Variants in MICAL2 observed in about 807,000 individuals in gnomAD.
The protein encoded by MICAL2 is microtubule associated monooxygenase, calponin and LIM domain containing 2, also known as [F-actin]-monooxygenase MICAL2.
In MICAL2, 77 loss-of-function variants were observed where a neutral mutation model predicts 127.3. The observed-to-expected ratio is 0.60, with a 90% CI of 0.50 to 0.73. MICAL2 has a LOEUF of 0.73. Ranked by LOEUF, MICAL2 falls within the 30% of genes least tolerant of loss-of-function variation. The pLI is 0.00. For synonymous variants in MICAL2, 570 were observed against 551.1 expected, an observed-to-expected ratio of 1.03 and a Z score of -0.48; for missense variants, 1,351 against 1,434.4, an observed-to-expected ratio of 0.94 and a Z score of 0.94.
intron 30 of MICAL2, chr11:12,319,948 C>T: frequency 1.6e-6 from 1 of 614,382 alleles, no homozygotes. Context: ...ACAGAGTGCT[C>T]TCTTTACCTT....
chr11:12,267,126 A>C (rs1341606616), downstream of MICAL2, among the ~76,000 whole-genome samples: 1 of 152,152 alleles, frequency 6.6e-6, no homozygotes, highest in Admixed American at 6.5e-5. Flanking sequence ...TCGGACACCC[A>C]GGCCTCAGCT....
At chr11:12,331,906 GTATT>G (rs1938640252) in intron 32 of MICAL2, among the ~76,000 whole-genome samples, 1 of 152,138 alleles carries the variant, frequency 6.6e-6, no homozygotes, top group African/African-American at 2.4e-5. Context: ...TTCTCAAATT[GTATT>G]TATTTGTTTG....
At chr11:12,130,071 T>C (rs1851291358) in intron 1 of MICAL2, among the ~76,000 whole-genome samples, 1 of 152,178 alleles carries the variant, frequency 6.6e-6, no homozygotes, top group East Asian at 1.9e-4. Flanking sequence ...ACTAAGCACA[T>C]GGTGATGGCT....
downstream of MICAL2, among the ~76,000 whole-genome samples, chr11:12,266,156 A>G (rs1290960375): frequency 6.6e-6 from 1 of 152,180 alleles, no homozygotes; most frequent in Admixed American, 6.5e-5. Context: ...TGAATTAGTA[A>G]AGAAAAAAGT....
At chr11:12,256,700 G>C in intron 23 of MICAL2, 85 bp from the exon 24 acceptor site, 12 of 1,293,818 alleles carry the variant, frequency 9.3e-6, no homozygotes, top group Non-Finnish European at 1.3e-5. Context: ...CCAGCATTCA[G>C]TGTGGAATTT....
intron 1 of MICAL2, among the ~76,000 whole-genome samples, chr11:12,131,981 T>TTTATA (rs1851455434): frequency 6.6e-6 from 1 of 152,190 alleles, no homozygotes; most frequent in Non-Finnish European, 1.5e-5. Context: ...ATCCTCACCC[T>TTTATA]AGCTTTATAA....
chr11:12,253,180 C>A (rs1861791013), intron 22 of MICAL2: 2 of 152,336 alleles, frequency 1.3e-5, no homozygotes, highest in African/African-American at 4.8e-5. Context: ...TCAGCTTCCA[C>A]CCCTTCCCCA....
At chr11:12,157,196 C>A (rs1006900344) in intron 2 of MICAL2, among the ~76,000 whole-genome samples, 46 of 152,100 alleles carry the variant, frequency 3.0e-4, no homozygotes, top group African/African-American at 1.1e-3. Context: ...GTCTGATATG[C>A]CATTTGGGAG....
chr11:12,237,514 C>G (rs369402274), intron 16 of MICAL2, among the ~76,000 whole-genome samples: 19 of 152,146 alleles, frequency 1.2e-4, no homozygotes, highest in African/African-American at 4.6e-4. Flanking sequence ...TACACTTTGT[C>G]TCAGGTGGAA....
chr11:12,232,812 C>G (rs866961301), intron 15 of MICAL2, among the ~76,000 whole-genome samples: 19 of 152,212 alleles, frequency 1.2e-4, no homozygotes, highest in South Asian at 4.1e-4. Flanking sequence ...TCCTTATCTG[C>G]AGTTTTGCTT....
chr11:12,256,920 A>T lies in MICAL2; in HGVS notation c.3091A>T (p.Ile1031Phe). 6.2e-7 allele frequency: 1 copy of T among 1,614,164 alleles called. No homozygotes were observed. Among genetic ancestry groups the T allele is most frequent in the Non-Finnish European group, 8.5e-7 (1 of 1,180,006 alleles). Residue 1031 changes from isoleucine to phenylalanine, a missense_variant, in exon 24 of 28, where the codon ATC becomes TTC. Coordinates refer to ENST00000683283, the MANE Select transcript of MICAL2 (RefSeq NM_001282663.2). ...FFHRECFRCS[I>F]CATTLRLAAY... is the part of the protein sequence containing the mutation. Reference sequence around the variant, plus strand: ...CCACCGGGAGTGTTTCCGCTGCAGCATCTGTGCCACCACCTTGCGCCTGGC... The same window carrying T: ...CCACCGGGAGTGTTTCCGCTGCAGCTTCTGTGCCACCACCTTGCGCCTGGC...
rs1854901030 is a variant in MICAL2 at position 12,207,729 on chromosome 11, A to G, written c.473-294A>G. 3 of 261,818 alleles carry G rather than the reference A, an allele frequency of 1.1e-5. No homozygotes were observed. In the South Asian group the frequency reaches 2.7e-4, roughly 24 times the overall value. 16.2% of individuals were successfully genotyped at this position (261,818 alleles called of 1,614,324 possible). A position where few individuals can be genotyped will look rare whatever the true frequency, so the allele number is the denominator to read the frequency against. On this transcript the variant is annotated intron_variant, in intron 4 of 27. Coordinates refer to ENST00000683283, the MANE Select transcript of MICAL2 (RefSeq NM_001282663.2). Reference sequence around the variant, plus strand: ...CTAGAACAGGGTCTAGAAATCAGACAGATGTGGGTCCATGTTCTAGCTTTG... The same window carrying G: ...CTAGAACAGGGTCTAGAAATCAGACGGATGTGGGTCCATGTTCTAGCTTTG...
intron 12 of MICAL2, 122 bp from the exon 13 acceptor site, chr11:12,224,550 TG>T: frequency 7.4e-7 from 1 of 1,343,326 alleles, no homozygotes; most frequent in Non-Finnish European, 1.0e-6. Context: ...CCCCCTGCCC[TG>T]GCCCCTTGCC....
At chr11:12,267,680 C>A (rs1241250840), downstream of MICAL2, among the ~76,000 whole-genome samples, 2 of 152,178 alleles carry the variant, frequency 1.3e-5, no homozygotes, top group Non-Finnish European at 2.9e-5. Context: ...CAGCTCGCTG[C>A]AAACTTCACC....
intron 3 of MICAL2, among the ~76,000 whole-genome samples, chr11:12,185,358 A>G (rs1189328224): frequency 6.6e-6 from 1 of 152,086 alleles, no homozygotes; most frequent in African/African-American, 2.4e-5. Flanking sequence ...GTTCAGTGCT[A>G]GAGGGAATTG....
intron 10 of MICAL2, among the ~76,000 whole-genome samples, chr11:12,222,240 C>T (rs910662147): frequency 3.9e-5 from 6 of 152,066 alleles, no homozygotes; most frequent in East Asian, 3.9e-4. Context: ...TCAGGGCTGG[C>T]GGGCGGAGGC....
chr11:12,204,896 C>A (rs1363939192), intron 4 of MICAL2, among the ~76,000 whole-genome samples: 1 of 152,068 alleles, frequency 6.6e-6, no homozygotes, highest in Non-Finnish European at 1.5e-5. Flanking sequence ...GAGGAAGGGG[C>A]CACACAAAAC....
At chr11:12,293,445 G>A, downstream of MICAL2, 2 of 1,262,544 alleles carry the variant, frequency 1.6e-6, no homozygotes, top group African/African-American at 1.5e-5. Context: ...TTTAATTTGG[G>A]CATCTGAGAT....
chr11:12,176,376 TG>T (rs1856841117), intron 3 of MICAL2, among the ~76,000 whole-genome samples: 1 of 152,182 alleles, frequency 6.6e-6, no homozygotes, highest in African/African-American at 2.4e-5. Flanking sequence ...CTCATAGGGC[TG>T]GGGTAAAGGC....
Sources: allele counts gnomAD v4.1 joint callset (sites outside exome capture counted in the v4.1 genomes callset), GRCh38; gene constraint gnomAD v4.1.1; transcripts MANE v1.5; gene names NCBI Gene and HGNC (gene_info 2026-07-23, HGNC 2026-07-21).